The following MICU3 variants were observed in gnomAD, a reference collection of about 807,000 sequenced individuals.
MICU3 encodes calcium uptake protein 3, mitochondrial.
Under a neutral mutation model 66.5 loss-of-function variants are expected in MICU3, and 62 were observed. The ratio of observed to expected loss-of-function variants is 0.93; its 90% confidence interval spans 0.76 to 1.15. The LOEUF (loss-of-function observed/expected upper bound fraction) is 1.15. Among genes scored for constraint, MICU3 ranks in the 50% most tolerant of loss-of-function variants. The pLI, the probability that MICU3 is intolerant of heterozygous loss-of-function variation, is 0.00. For missense variants in MICU3, 779 were observed against 664.4 expected, an observed-to-expected ratio of 1.17 and a Z score of -1.90; for synonymous variants, 308 against 240.7, an observed-to-expected ratio of 1.28 and a Z score of -2.59.
chr8:17,110,677 C>T (rs368719883), intron 11 of MICU3, among the ~76,000 whole-genome samples: 85 of 152,238 alleles, frequency 5.6e-4, no homozygotes, highest in African/African-American at 1.9e-3. Context: ...GATTCTCCCA[C>T]CTTAGCCTCC....
intron 3 of MICU3, among the ~76,000 whole-genome samples, chr8:17,076,855 C>T (rs145267097): frequency 1.1e-3 from 169 of 152,288 alleles, no homozygotes; most frequent in African/African-American, 3.9e-3. Flanking sequence ...GAGCCACATG[C>T]TCTGAGGAGT....
the MICU3 span, among the ~76,000 whole-genome samples, chr8:17,133,748 G>A: frequency 6.6e-6 from 1 of 152,004 alleles, no homozygotes; most frequent in Non-Finnish European, 1.5e-5. Context: ...ACTATTTATG[G>A]AATAATTCTT....
intron 8 of MICU3, among the ~76,000 whole-genome samples, chr8:17,095,594 T>G (rs1180070349): frequency 6.6e-6 from 1 of 151,982 alleles, no homozygotes; most frequent in African/African-American, 2.4e-5. Context: ...TAGAACCTTC[T>G]TAGACCCTTT....
At chr8:17,125,129 GTATAGCCTGTAA>G (rs71212676), downstream of MICU3, among the ~76,000 whole-genome samples, 1 of 150,742 alleles carries the variant, frequency 6.6e-6, no homozygotes, top group Non-Finnish European at 1.5e-5. Flanking sequence ...TCTCCTATGA[GTATAGCCTGTAA>G]TATAGCCTGT....
intron 1 of MICU3, among the ~76,000 whole-genome samples, chr8:17,028,416 G>C (rs986081027): frequency 6.6e-6 from 1 of 152,178 alleles, no homozygotes; most frequent in Admixed American, 6.5e-5. Context: ...AGGTAAAGAT[G>C]TGTGAAAGGC....
chr8:17,116,997 A>C (rs1802748075), intron 13 of MICU3, among the ~76,000 whole-genome samples: 1 of 152,116 alleles, frequency 6.6e-6, no homozygotes, highest in Admixed American at 6.5e-5. Context: ...ATTCTTTTAG[A>C]GACAGGGTCT....
At chr8:17,080,692 A>T (rs995366624) in intron 4 of MICU3, among the ~76,000 whole-genome samples, 1 of 152,178 alleles carries the variant, frequency 6.6e-6, no homozygotes, top group Non-Finnish European at 1.5e-5. Flanking sequence ...TCTAGTATAA[A>T]CAAAAGAAGG....
rs1818407755 is a variant in MICU3 at position 17,064,685 on chromosome 8, G to A, written c.535+448G>A. On this transcript the variant is annotated intron_variant, in intron 2 of 14. Coordinates refer to ENST00000318063, the MANE Select transcript of MICU3 (RefSeq NM_181723.3). ...TAGAATAATGGTTCTCAAAATTTTT[G>A]GAAGTATGTACATTCTTGCAAATCT... Among the ~76,000 whole-genome samples, 3 of 152,118 alleles carry A rather than the reference G, an allele frequency of 2.0e-5. No homozygotes were observed. The South Asian group carries it at 6.2e-4, about 32-fold the overall frequency.
At chr8:17,094,918 T>G (rs1460793220) in intron 8 of MICU3, among the ~76,000 whole-genome samples, 1 of 152,058 alleles carries the variant, frequency 6.6e-6, no homozygotes, top group East Asian at 1.9e-4. Flanking sequence ...TGCCGTATTT[T>G]TATCTTTTCA....
At chr8:17,027,942 A>G (rs980302450) in intron 1 of MICU3, among the ~76,000 whole-genome samples, 8 of 152,138 alleles carry the variant, frequency 5.3e-5, no homozygotes, top group African/African-American at 1.9e-4. Flanking sequence ...TCTTACAAAA[A>G]AAGATTCAGA....
At chr8:17,133,586 C>T in the MICU3 span, among the ~76,000 whole-genome samples, 2 of 151,860 alleles carry the variant, frequency 1.3e-5, no homozygotes, top group Non-Finnish European at 2.9e-5. Context: ...CTTAGAAATA[C>T]CTCTTCCAAT....
At chr8:17,046,218 C>G (rs1450629415) in intron 1 of MICU3, among the ~76,000 whole-genome samples, 1 of 152,122 alleles carries the variant, frequency 6.6e-6, no homozygotes, top group Non-Finnish European at 1.5e-5. Context: ...GAACTGAGCC[C>G]TTAACCTGTG....
At position 17,039,528 on chromosome 8, in the gene MICU3, T is replaced by A. The variant is rs1184318306; in HGVS notation, c.381+11868T>A. 2.0e-5 allele frequency among the ~76,000 whole-genome samples: 3 copies of A among 152,218 alleles called. No homozygotes were observed. In the East Asian group the frequency reaches 5.8e-4, roughly 29 times the overall value. The stretch of plus-strand genomic sequence containing the variant: ...ATCTAATAGAGTCACATACAATGAT[T>A]TGAGTAGAGATTACTTTTCAGTTTT... On this transcript the variant is annotated intron_variant, in intron 1 of 14. Coordinates refer to ENST00000318063, the MANE Select transcript of MICU3 (RefSeq NM_181723.3).
At chr8:17,035,779 C>T (rs1336038939) in intron 1 of MICU3, among the ~76,000 whole-genome samples, 1 of 152,130 alleles carries the variant, frequency 6.6e-6, no homozygotes, top group East Asian at 1.9e-4. Context: ...AAGTTTGCAA[C>T]CTGATGATGT....
Position 17,027,328 on chromosome 8 carries a change from C to T in MICU3, c.49C>T (p.Pro17Ser). 1 of 1,531,404 alleles carries T rather than the reference C, an allele frequency of 6.5e-7. No homozygotes were observed. The allele number at this position is 1,531,404 out of a possible 1,614,324, so 94.9% of individuals were successfully genotyped here. ...GTGGCCGCCACCCCGGGTGTCTCCT[C>T]CACTCTGCGCTCACCAGCCCCTCCT... ...LLWPPPRVSP[P>S]LCAHQPLLGP... The change falls in exon 1 of 15, where the codon CCA becomes TCA. Residue 17 changes from proline to serine, a missense_variant. Pro to Ser is a moderately conservative substitution (Grantham distance 74). Transcript: ENST00000318063.
intron 3 of MICU3, among the ~76,000 whole-genome samples, chr8:17,076,693 G>A (rs1168098553): frequency 6.6e-6 from 1 of 152,196 alleles, no homozygotes; most frequent in Non-Finnish European, 1.5e-5. Context: ...AGCTGCGTCA[G>A]AAATGGTTTG....
Position 17,105,519 on chromosome 8 carries a change from T to C in MICU3, c.1192T>C (p.Tyr398His), listed in dbSNP as rs2150813991. The change falls in exon 11 of 15, where the codon TAT (tyrosine) becomes CAT (histidine). Residue 398 changes from tyrosine to histidine, a missense_variant. Tyr to His is a moderately conservative substitution (Grantham distance 83, BLOSUM62 2). Coordinates refer to ENST00000318063, the MANE Select transcript of MICU3 (RefSeq NM_181723.3). The stretch of plus-strand genomic sequence containing the variant: ...AGATTTTGCTCATATTCTTTTACGA[T>C]ATACAAATGTGGAAAATACATCAGT... ...EEDFAHILLR[Y>H]TNVENTSVFL... 1 of 1,576,742 alleles carries C rather than the reference T, an allele frequency of 6.3e-7. No homozygotes were observed. The highest frequency in any genetic ancestry group is 2.3e-5 in the East Asian group (1 of 44,054).
At position 17,120,856 on chromosome 8, in the gene MICU3, CG is replaced by C. The variant is rs1803145809; in HGVS notation, c.*570del. 6.6e-6 allele frequency: 1 copy of C among 152,334 alleles called. No individual in the cohort carries two copies. Among genetic ancestry groups the C allele is most frequent in the Admixed American group, 6.6e-5 (1 of 15,256 alleles). The allele number at this position is 152,334 out of a possible 1,614,324, so 9.4% of individuals were successfully genotyped here. A position where few individuals can be genotyped will look rare whatever the true frequency, so the allele number is the denominator to read the frequency against. On this transcript the variant is annotated 3_prime_UTR_variant, in exon 15 of 15. Coordinates refer to ENST00000318063, the MANE Select transcript of MICU3 (RefSeq NM_181723.3). ...AGCTACTATATAAAACAATTGTTTA[CG>C]TGTACTTTTAACTTTTAAAAGTACT... is the stretch of plus-strand genomic sequence containing the variant.
In MICU3 at chr8:17,105,509, T is replaced by A; in HGVS notation, c.1182T>A (p.Ile394=). The A allele has an allele frequency of 6.3e-7, 1 of 1,579,158 alleles. No homozygotes were observed. The highest frequency in any genetic ancestry group is 8.6e-7 in the Non-Finnish European group (1 of 1,158,676). ...NTISEEDFAH[I]LLRYTNVENT... ...TCAGTGAAGAAGATTTTGCTCATATTCTTTTACGATATACAAATGTGGAAA... is the reference window on the plus strand; with the variant it reads ...TCAGTGAAGAAGATTTTGCTCATATACTTTTACGATATACAAATGTGGAAA... Residue 394 remains isoleucine (I), a synonymous_variant, in exon 11 of 15, where the codon ATT becomes ATA. Transcript: ENST00000318063.
Sources: allele counts gnomAD v4.1 joint callset (sites outside exome capture counted in the v4.1 genomes callset), GRCh38; gene constraint gnomAD v4.1.1; transcripts MANE v1.5; gene names NCBI Gene and HGNC (gene_info 2026-07-23, HGNC 2026-07-21).